Variants in HIP1 observed in about 807,000 individuals in gnomAD.
The protein encoded by HIP1 is huntingtin interacting protein 1.
HIP1 carries 65 observed loss-of-function variants against 147.6 expected under a neutral mutation model. The observed-to-expected ratio is 0.44, with a 90% CI of 0.36 to 0.54. HIP1 has a LOEUF of 0.54. Among genes scored for constraint, HIP1 ranks in the 20% least tolerant of loss-of-function variants. The pLI is 0.00. For missense variants in HIP1, 1,061 were observed against 1,299.6 expected (o/e 0.82, Z 2.82); for synonymous variants, 479 against 504.0 (o/e 0.95, Z 0.67).
chr7:75,574,319 T>A (rs1285922424), intron 7 of HIP1, among the ~76,000 whole-genome samples: 2 of 151,086 alleles, frequency 1.3e-5, no homozygotes, highest in African/African-American at 4.9e-5. Flanking sequence ...CAGGGTGTGG[T>A]GGCTCACGCC....
chr7:75,608,104 A>G (rs782434271), intron 1 of HIP1, among the ~76,000 whole-genome samples: 30 of 152,168 alleles, frequency 2.0e-4, no homozygotes, highest in Non-Finnish European at 4.1e-4. Flanking sequence ...CAGGAGTTCA[A>G]GTTCGGCCTG....
chr7:75,620,489 C>T (rs1471579273), intron 1 of HIP1, among the ~76,000 whole-genome samples: 2 of 151,310 alleles, frequency 1.3e-5, no homozygotes, highest in African/African-American at 4.9e-5. Flanking sequence ...AAGTTCGAGA[C>T]CAGCCTGGCC....
At chr7:75,555,620 C>T in intron 18 of HIP1, 69 bp from the exon 19 acceptor site, 1 of 1,567,178 alleles carries the variant, frequency 6.4e-7, no homozygotes, top group East Asian at 2.2e-5. Flanking sequence ...GATGACCTGG[C>T]TGGGGCTCTT....
At chr7:75,576,560 A>G (rs1284592551) in intron 7 of HIP1, among the ~76,000 whole-genome samples, 1 of 152,068 alleles carries the variant, frequency 6.6e-6, no homozygotes, top group Non-Finnish European at 1.5e-5. Flanking sequence ...CATCTCTACT[A>G]AAAATACAAA....
At chr7:75,731,705 A>G (rs1272620242) in intron 1 of HIP1, among the ~76,000 whole-genome samples, 2 of 152,040 alleles carry the variant, frequency 1.3e-5, no homozygotes, top group Admixed American at 1.3e-4. Context: ...CAAACCTGAC[A>G]CAGATGCTTC....
rs112114092 is a variant in HIP1 at position 75,580,862 on chromosome 7, C to T, written c.604+375G>A. Among the ~76,000 whole-genome samples the T allele has an allele frequency of 8.3e-4, 126 of 152,240 alleles. 1 individual carries two copies. Among genetic ancestry groups the T allele is most frequent in the African/African-American group, 2.8e-3 (115 of 41,568 alleles). ...GTTCAAGCAATTCTCCTGCCTCAGC[C>T]TCCCAAGTAACTGGGATTACAGGCA... On this transcript the variant is annotated intron_variant, in intron 7 of 30. Coordinates refer to ENST00000336926, the MANE Select transcript of HIP1 (RefSeq NM_005338.7).
At position 75,595,973 on chromosome 7, in the gene HIP1, C is replaced by A. The variant is rs990681228; in HGVS notation, c.184+3211G>T. ...GATAAATGCGCTGGGCATGGTGGCT[C>A]ACGCCTGTAATTGCAGCACTTTGGG... is the stretch of plus-strand genomic sequence containing the variant. On this transcript the variant is annotated intron_variant, in intron 2 of 30. Transcript: ENST00000336926. 7.9e-5 allele frequency among the ~76,000 whole-genome samples: 12 copies of A among 152,074 alleles called. No individual in the cohort carries two copies. In the East Asian group the frequency reaches 2.3e-3, roughly 29 times the overall value.
At chr7:75,647,209 TACAAAAAAAAAA>T (rs1407132084) in intron 1 of HIP1, among the ~76,000 whole-genome samples, 1 of 11,758 alleles carries the variant, frequency 8.5e-5, no homozygotes, top group African/African-American at 3.4e-4. Flanking sequence ...CTACTAAAAA[TACAAAAAAAAAA>T]AAAAAAAAAA....
intron 1 of HIP1, among the ~76,000 whole-genome samples, chr7:75,721,841 GGA>G (rs1801512627): frequency 6.6e-6 from 1 of 152,248 alleles, no homozygotes; most frequent in South Asian, 2.1e-4. Flanking sequence ...CTGTTAACCA[GGA>G]GAGAGGGTCT....
rs782513114 is a variant in HIP1, at chr7:75,535,713, ATT to A, written c.*2457_*2458del. ...CACTAGACTGTTTGCCCCATTTGTA[ATT>A]TTTTTTTTTTTTTGAGACGGAGTTT... On this transcript the variant is annotated 3_prime_UTR_variant, in exon 31 of 31. Transcript: ENST00000336926. The A allele has an allele frequency of 9.8e-4, 153 of 156,186 alleles. No individual in the cohort carries two copies. The highest frequency in any genetic ancestry group is 5.4e-3 in the Middle Eastern group (2 of 370). 9.7% of individuals were successfully genotyped at this position (156,186 alleles called of 1,614,324 possible). A position where few individuals can be genotyped will look rare whatever the true frequency, so the allele number is the denominator to read the frequency against.
At chr7:75,624,474 G>A (rs1484123772) in intron 1 of HIP1, among the ~76,000 whole-genome samples, 1 of 152,164 alleles carries the variant, frequency 6.6e-6, no homozygotes, top group East Asian at 1.9e-4. Flanking sequence ...GTATAGGGGT[G>A]TTGGCCGTGG....
intron 28 of HIP1, among the ~76,000 whole-genome samples, chr7:75,542,614 G>A (rs781919423): frequency 4.6e-5 from 7 of 151,628 alleles, no homozygotes; most frequent in African/African-American, 1.5e-4. Flanking sequence ...CAGGAGAATC[G>A]TGTGAACCAG....
chr7:75,605,129 A>T (rs1179208154), intron 1 of HIP1, among the ~76,000 whole-genome samples: 4 of 152,052 alleles, frequency 2.6e-5, no homozygotes, highest in Non-Finnish European at 5.9e-5. Context: ...CCTCATAGGA[A>T]CTCTGGGGTC....
At chr7:75,553,994 C>A (rs868993806) in intron 21 of HIP1, 119 bp downstream of exon 21, 4 of 696,684 alleles carry the variant, frequency 5.7e-6, no homozygotes, top group Admixed American at 2.5e-5. Context: ...ATCTGCCCGC[C>A]TCAGCCTCCC....
chr7:75,581,448 G>A (rs2696199), intron 6 of HIP1, 150 bp from the exon 7 acceptor site: 139,769 of 635,926 alleles, frequency 0.22, 17,528 homozygotes, highest in African/African-American at 0.39. Flanking sequence ...TCTTAGCCTT[G>A]TGGGTATTAT....
intron 25 of HIP1, among the ~76,000 whole-genome samples, chr7:75,546,278 A>G (rs1554491009): frequency 6.6e-6 from 1 of 152,240 alleles, no homozygotes; most frequent in South Asian, 2.1e-4. Flanking sequence ...GAGAATCTGC[A>G]GATAATCCTT....
intron 1 of HIP1, among the ~76,000 whole-genome samples, chr7:75,724,323 C>T (rs782340577): frequency 2.2e-4 from 34 of 152,240 alleles, no homozygotes; most frequent in Admixed American, 7.2e-4. Flanking sequence ...TCTCAGCTCA[C>T]TGCAACCTCT....
chr7:75,610,542 C>T (rs1017682296), intron 1 of HIP1, among the ~76,000 whole-genome samples: 2 of 151,746 alleles, frequency 1.3e-5, no homozygotes, highest in African/African-American at 4.8e-5. Flanking sequence ...TCCTATTTCT[C>T]TTAATACGTT....
chr7:75,576,411 CAA>C (rs1359461631), intron 7 of HIP1, among the ~76,000 whole-genome samples: 3 of 152,164 alleles, frequency 2.0e-5, no homozygotes, highest in Non-Finnish European at 4.4e-5. Context: ...CAGTGGGTGT[CAA>C]AAGTCTTCCC....
Sources: gnomAD v4.1 joint callset for allele counts (sites outside exome capture counted in the v4.1 genomes callset) on GRCh38, gnomAD v4.1.1 for gene constraint, MANE v1.5 for transcripts, NCBI Gene and HGNC (gene_info 2026-07-23, HGNC 2026-07-21) for gene names.